The following LZTS1 variants were observed in gnomAD, a reference collection of about 807,000 sequenced individuals.
LZTS1 encodes leucine zipper putative tumor suppressor 1.
LZTS1 carries 31 observed loss-of-function variants against 45.8 expected under a neutral mutation model. The ratio of observed to expected loss-of-function variants is 0.68; its 90% confidence interval spans 0.51 to 0.91. The LOEUF is 0.91. Ranked by LOEUF, LZTS1 falls within the 40% of genes least tolerant of loss-of-function variation. LZTS1 has a pLI of 0.00. For synonymous variants in LZTS1, 359 were observed against 357.3 expected (o/e 1.00, Z -0.05); for missense variants, 821 against 788.9 (o/e 1.04, Z -0.49).
rs1208354631 is a variant in LZTS1, at chr8:20,254,974, C to A, written c.208G>T (p.Val70Phe). 2.5e-6 allele frequency: 4 copies of A among 1,614,046 alleles called. No individual in the cohort carries two copies. The African/African-American group carries it at 4.0e-5, about 16-fold the overall frequency. Residue 70 changes from valine (V) to phenylalanine (F), a missense_variant, in exon 2 of 4, where the codon GTC becomes TTC. Val to Phe is a conservative substitution (Grantham distance 50). Transcript: ENST00000381569. The part of the protein sequence containing the change: ...GKSEDFFYIK[V>F]SQKARGSHHP... ...TGGGAGCCCCGGGCTTTCTGGCTGA[C>A]CTTGATGTAGAAGAAGTCTTCGCTC...
At chr8:20,295,624 G>A (rs1232399205) in intron 1 of LZTS1, among the ~76,000 whole-genome samples, 1 of 152,160 alleles carries the variant, frequency 6.6e-6, no homozygotes, top group Non-Finnish European at 1.5e-5. Flanking sequence ...TGGGAGGGAG[G>A]ATAGAGATAA....
At chr8:20,251,002 T>A (rs1799881869) in intron 3 of LZTS1, among the ~76,000 whole-genome samples, 1 of 150,068 alleles carries the variant, frequency 6.7e-6, no homozygotes, top group Non-Finnish European at 1.5e-5. Context: ...CCCGATGAAG[T>A]AGGTACTATT....
chr8:20,260,239 T>A (rs1429158648), intron 1 of LZTS1, among the ~76,000 whole-genome samples: 1 of 152,144 alleles, frequency 6.6e-6, no homozygotes, highest in East Asian at 1.9e-4. Context: ...ACTGATTGAT[T>A]TTTAATTGAG....
chr8:20,276,913 A>G (rs745681863), intron 1 of LZTS1, among the ~76,000 whole-genome samples: 45 of 152,214 alleles, frequency 3.0e-4, no homozygotes, highest in Non-Finnish European at 4.7e-4. Flanking sequence ...GGTGCTCCCA[A>G]TACTGGACAT....
rs769775398 is a variant in LZTS1, at chr8:20,248,050, G to C, written c.*1672C>G. 1.3e-5 allele frequency: 2 copies of C among 152,402 alleles called. No homozygotes were observed. The highest frequency in any genetic ancestry group is 2.9e-5 in the Non-Finnish European group (2 of 68,082). 9.4% of individuals were successfully genotyped at this position (152,402 alleles called of 1,614,324 possible). A position where few individuals can be genotyped will look rare whatever the true frequency, so the allele number is the denominator to read the frequency against. On this transcript the variant is annotated 3_prime_UTR_variant, in exon 4 of 4. Coordinates refer to ENST00000381569, the MANE Select transcript of LZTS1 (RefSeq NM_021020.5). ...AAAGAAAAATCTGGCCAGGCACGGT[G>C]GCTCACATCTGCAATCTCAGCACTT...
chr8:20,256,432 T>C (rs995721530), intron 1 of LZTS1, among the ~76,000 whole-genome samples: 2 of 152,122 alleles, frequency 1.3e-5, no homozygotes, highest in Non-Finnish European at 2.9e-5. Flanking sequence ...GGGAAGAAGC[T>C]TATTGAGGAG....
chr8:20,287,960 T>A (rs1442751905), intron 1 of LZTS1, among the ~76,000 whole-genome samples: 2 of 138,734 alleles, frequency 1.4e-5, no homozygotes, highest in African/African-American at 5.4e-5. Flanking sequence ...CCAGCCCACC[T>A]GCAGATGGGC....
chr8:20,267,465 G>C (rs976381772), intron 1 of LZTS1, among the ~76,000 whole-genome samples: 1 of 152,132 alleles, frequency 6.6e-6, no homozygotes, highest in African/African-American at 2.4e-5. Flanking sequence ...ACAGTTGTAG[G>C]GCCTTAGGAG....
chr8:20,279,997 T>C (rs897667340), intron 1 of LZTS1, among the ~76,000 whole-genome samples: 5 of 150,794 alleles, frequency 3.3e-5, no homozygotes, highest in African/African-American at 1.2e-4. Flanking sequence ...ATTGCTGAAA[T>C]TGCCAGTGAA....
At position 20,250,190 on chromosome 8, in the gene LZTS1, G is replaced by C. The variant is rs755773404; in HGVS notation, c.1323C>G (p.Arg441=). 1 of 1,610,182 alleles carries C rather than the reference G, an allele frequency of 6.2e-7. No homozygotes were observed. The highest frequency in any genetic ancestry group is 1.7e-4 in the Middle Eastern group (1 of 6,060). ...LRTQDLEGAL[R]TKGLELEVCE... ...AGACCTCCAGCTCCAGGCCCTTGGT[G>C]CGCAGGGCGCCCTCCAGGTCCTGGG... Residue 441 remains arginine (R), a synonymous_variant, in exon 4 of 4, where the codon CGC becomes CGG. Transcript: ENST00000381569.
At chr8:20,259,933 G>C (rs1231675110) in intron 1 of LZTS1, among the ~76,000 whole-genome samples, 3 of 148,626 alleles carry the variant, frequency 2.0e-5, no homozygotes, top group Non-Finnish European at 4.5e-5. Flanking sequence ...GTCTCATTCT[G>C]TCATCCAAGC....
At chr8:20,262,876 T>G (rs1800272008) in intron 1 of LZTS1, among the ~76,000 whole-genome samples, 1 of 152,150 alleles carries the variant, frequency 6.6e-6, no homozygotes, top group African/African-American at 2.4e-5. Flanking sequence ...GAGGAAAATA[T>G]GAGTTTAAAA....
Position 20,249,944 on chromosome 8 carries a change from C to G in LZTS1, c.1569G>C (p.Ser523=), listed in dbSNP as rs766597097. Residue 523 remains serine (S), a synonymous_variant, in exon 4 of 4, where the codon TCG becomes TCC. Transcript: ENST00000381569. The part of the protein sequence containing the change: ...EERQGHDQMS[S]GFQHERLVWK... ...ACACGAGCCGCTCATGCTGGAAGCC[C>G]GAGGACATCTGGTCATGGCCTTGCC... The G allele has an allele frequency of 1.6e-5, 26 of 1,614,042 alleles. No homozygotes were observed. The highest frequency in any genetic ancestry group is 1.6e-4 in the Middle Eastern group (1 of 6,082).
intron 1 of LZTS1, among the ~76,000 whole-genome samples, chr8:20,289,489 A>G (rs1800859989): frequency 6.6e-6 from 1 of 152,112 alleles, no homozygotes; most frequent in Admixed American, 6.5e-5. Flanking sequence ...CAATTAAACC[A>G]CATCCACAAT....
In LZTS1 at chr8:20,249,616, G is replaced by T; in HGVS notation, c.*106C>A. ...CGGGGGTCCTGGGTCTGTGTCCCAG[G>T]GAGTGGCGTCTCTCAGAGGGGTCTG... On this transcript the variant is annotated 3_prime_UTR_variant, in exon 4 of 4. Transcript: ENST00000381569. The T allele has an allele frequency of 7.2e-7, 1 of 1,389,620 alleles. No individual in the cohort carries two copies. The highest frequency in any genetic ancestry group is 2.3e-5 in the East Asian group (1 of 42,572). 86.1% of individuals were successfully genotyped at this position (1,389,620 alleles called of 1,614,324 possible).
chr8:20,257,805 G>T (rs745380355), intron 1 of LZTS1, among the ~76,000 whole-genome samples: 2 of 151,898 alleles, frequency 1.3e-5, no homozygotes, highest in Non-Finnish European at 2.9e-5. Flanking sequence ...ACATAGCTGG[G>T]ATTACAGGTG....
At chr8:20,294,419 G>A (rs1208625287) in intron 1 of LZTS1, among the ~76,000 whole-genome samples, 3 of 152,236 alleles carry the variant, frequency 2.0e-5, no homozygotes, top group Non-Finnish European at 4.4e-5. Context: ...GCCTGGCAAG[G>A]GGAGGAGCCG....
At chr8:20,271,715 CT>C (rs1800478077) in intron 1 of LZTS1, among the ~76,000 whole-genome samples, 1 of 152,252 alleles carries the variant, frequency 6.6e-6, no homozygotes, top group Non-Finnish European at 1.5e-5. Flanking sequence ...AAAAGCGCCT[CT>C]CCCTCCCCCT....
chr8:20,266,548 T>G (rs1352571797), intron 1 of LZTS1, among the ~76,000 whole-genome samples: 2 of 151,742 alleles, frequency 1.3e-5, no homozygotes, highest in Non-Finnish European at 2.9e-5. Flanking sequence ...CTGGGGGAAG[T>G]GCATCCACCC....
Sources: gnomAD v4.1 joint callset for allele counts (sites outside exome capture counted in the v4.1 genomes callset) on GRCh38, gnomAD v4.1.1 for gene constraint, MANE v1.5 for transcripts, NCBI Gene and HGNC (gene_info 2026-07-23, HGNC 2026-07-21) for gene names.